Variants in SYNE1 observed in about 807,000 individuals in gnomAD.
The protein encoded by SYNE1 is spectrin repeat containing nuclear envelope protein 1.
Under a neutral mutation model 1,111.0 loss-of-function variants are expected in SYNE1, and 616 were observed. The observed-to-expected ratio is 0.55, with a 90% CI of 0.52 to 0.59. The LOEUF is 0.59. Among genes scored for constraint, SYNE1 ranks in the 20% least tolerant of loss-of-function variants. The pLI, the probability that SYNE1 is intolerant of heterozygous loss-of-function variation, is 0.00. For missense variants in SYNE1, 10,006 were observed against 10,417.0 expected (o/e 0.96, Z 1.72); for synonymous variants, 3,855 against 3,825.8 (o/e 1.01, Z -0.28).
At chr6:152,338,551 G>A (rs2096458942) in intron 75 of SYNE1, among the ~76,000 whole-genome samples, 2 of 152,316 alleles carry the variant, frequency 1.3e-5, no homozygotes, top group South Asian at 4.1e-4. Flanking sequence ...AGCCCAGGAG[G>A]TTGAGGCTTC....
At chr6:152,304,233 A>G (rs906879644) in intron 91 of SYNE1, among the ~76,000 whole-genome samples, 27 of 152,356 alleles carry the variant, frequency 1.8e-4, no homozygotes, top group African/African-American at 6.3e-4. Flanking sequence ...AATACTAGAA[A>G]AGAGCTCTAG....
chr6:152,564,826 T>C (rs749040954), intron 3 of SYNE1, among the ~76,000 whole-genome samples: 33 of 152,174 alleles, frequency 2.2e-4, no homozygotes, highest in African/African-American at 8.0e-4. Flanking sequence ...ACTGCGAGAA[T>C]TTCAAAAGGT....
Position 152,234,005 on chromosome 6 carries a change from G to A in SYNE1, c.20530-42C>T, listed in dbSNP as rs767189045. 4 of 1,599,962 alleles carry A rather than the reference G, an allele frequency of 2.5e-6. No homozygotes were observed. In the African/African-American group the frequency reaches 4.0e-5, roughly 16 times the overall value. ...TGTTCAAATTAGGGTTAAATAGCTA[G>A]ACCATTCATTAAAAGGAAAGCGACC... On this transcript the variant is annotated intron_variant, in intron 111 of 145. Coordinates refer to ENST00000367255, the MANE Select transcript of SYNE1 (RefSeq NM_182961.4).
chr6:152,421,671 T>TTTTA (rs377235444), intron 39 of SYNE1, among the ~76,000 whole-genome samples: 8,673 of 145,326 alleles, frequency 0.06, 301 homozygotes, highest in Middle Eastern at 0.1. Context: ...ATTTTCCTTA[T>TTTTA]TTTATTTATT....
At chr6:152,562,164 T>C (rs1340753794) in intron 3 of SYNE1, among the ~76,000 whole-genome samples, 5 of 151,954 alleles carry the variant, frequency 3.3e-5, no homozygotes, top group African/African-American at 1.2e-4. Flanking sequence ...ACACAATTGA[T>C]AAGGGATTAA....
At chr6:152,581,200 T>C (rs948711607) in intron 3 of SYNE1, among the ~76,000 whole-genome samples, 3 of 152,196 alleles carry the variant, frequency 2.0e-5, no homozygotes, top group African/African-American at 7.2e-5. Flanking sequence ...TGCAGCAGGC[T>C]AAACCATGTA....
intron 55 of SYNE1, among the ~76,000 whole-genome samples, chr6:152,384,762 G>A (rs183973299): frequency 1.3e-5 from 2 of 151,856 alleles, no homozygotes; most frequent in South Asian, 2.1e-4. Context: ...ACCTGTAATC[G>A]CAGCTACTCG....
chr6:152,351,909 G>A, intron 70 of SYNE1, 118 bp downstream of exon 70: 7 of 907,666 alleles, frequency 7.7e-6, no homozygotes, highest in Non-Finnish European at 1.1e-5. Context: ...CTGCAGAACG[G>A]ACACATGCGG....
At chr6:152,616,086 T>G (rs1206204928) in intron 3 of SYNE1, among the ~76,000 whole-genome samples, 2 of 152,252 alleles carry the variant, frequency 1.3e-5, no homozygotes, top group Admixed American at 6.5e-5. Context: ...AAACTTGATA[T>G]TGAAATAATT....
intron 38 of SYNE1, among the ~76,000 whole-genome samples, chr6:152,425,936 T>A (rs1056062656): frequency 6.6e-6 from 1 of 152,206 alleles, no homozygotes; most frequent in African/African-American, 2.4e-5. Context: ...AGAAAAACTA[T>A]TGCCGGAGAG....
intron 115 of SYNE1, among the ~76,000 whole-genome samples, chr6:152,228,807 G>A (rs1165266231): frequency 6.6e-6 from 1 of 152,016 alleles, no homozygotes; most frequent in Non-Finnish European, 1.5e-5. Flanking sequence ...TTGAATTTAT[G>A]GCCTAAATCA....
In SYNE1 at chr6:152,396,801, A is replaced by C; in HGVS notation, c.7530T>G (p.Leu2510=). 6.2e-7 allele frequency: 1 copy of C among 1,614,156 alleles called. No individual in the cohort carries two copies. ...LKQCLKDKQA[L]QDCASELGSF... ...TTCCAAGTTCTGAAGCACAGTCTTG[A>C]AGAGCCTGCTTATCTTTAAGGCATT... The change falls in exon 50 of 146, where the codon CTT becomes CTG. Residue 2510 remains leucine, a synonymous_variant. Transcript: ENST00000367255.
Position 152,391,269 on chromosome 6 carries a change from G to T in SYNE1, c.8004+8C>A. ...CAGTTGTCAGTGTCTGGCTGGTGTC[G>T]CATGTACCTGTATTTGTGACAGCCG... On this transcript the variant is annotated splice_region_variant and intron_variant, in intron 52 of 145. Transcript: ENST00000367255. 1.9e-6 allele frequency: 3 copies of T among 1,613,656 alleles called. No homozygotes were observed. Among genetic ancestry groups the T allele is most frequent in the Non-Finnish European group, 2.5e-6 (3 of 1,179,926 alleles).
Position 152,242,454 on chromosome 6 carries a change from AC to A in SYNE1, c.19693-15del, listed in dbSNP as rs1562448865. The A allele has an allele frequency of 6.2e-7, 1 of 1,613,688 alleles. No individual in the cohort carries two copies. The highest frequency in any genetic ancestry group is 1.7e-5 in the Admixed American group (1 of 59,978). Reference sequence around the variant, plus strand: ...ATCATACATGTCCTAAGAAGCAGAGACCACAAGACTCACTCTCAATTCATAT... The same window carrying A: ...ATCATACATGTCCTAAGAAGCAGAGACACAAGACTCACTCTCAATTCATAT... On this transcript the variant is annotated splice_polypyrimidine_tract_variant and intron_variant, in intron 106 of 145. Transcript: ENST00000367255.
At chr6:152,133,058 G>C (rs2056235043) in intron 143 of SYNE1, among the ~76,000 whole-genome samples, 1 of 152,082 alleles carries the variant, frequency 6.6e-6, no homozygotes, top group Non-Finnish European at 1.5e-5. Flanking sequence ...AACAACAAGA[G>C]AGCTTTTGGA....
intron 32 of SYNE1, among the ~76,000 whole-genome samples, chr6:152,440,853 C>G (rs1182208339): frequency 6.6e-6 from 1 of 151,906 alleles, no homozygotes; most frequent in East Asian, 1.9e-4. Context: ...GGAGTTGAGT[C>G]ACAGCGCGCG....
In SYNE1 at chr6:152,300,572, T is replaced by C. The variant is rs568825598; in HGVS notation, c.17682+69A>G. 33 of 1,606,852 alleles carry C rather than the reference T, an allele frequency of 2.1e-5. No homozygotes were observed. In the East Asian group the frequency reaches 6.9e-4, roughly 34 times the overall value. ...TCTGAGATTCATACCCACGATCTAA[T>C]GGAAACAGAGAATGGAGTCCTGCAT... On this transcript the variant is annotated intron_variant, in intron 93 of 145. Coordinates refer to ENST00000367255, the MANE Select transcript of SYNE1 (RefSeq NM_182961.4).
rs1466517008 is a variant in SYNE1 at position 152,416,737 on chromosome 6, G to A, written c.5700C>T (p.Asn1900=). 3 of 1,614,186 alleles carry A rather than the reference G, an allele frequency of 1.9e-6. No homozygotes were observed. Among genetic ancestry groups the A allele is most frequent in the South Asian group, 1.1e-5 (1 of 91,088 alleles). The change falls in exon 41 of 146, where the codon AAC becomes AAT. Residue 1900 remains asparagine, a synonymous_variant. Transcript: ENST00000367255. ...TVEATNSMNK[N]ESDLIEKDLN... is the part of the protein sequence containing the mutation. ...GGTCCTTTTCTATCAAATCAGACTC[G>A]TTCTTATTCATACTGTTGGTTGCTT... is the stretch of plus-strand genomic sequence containing the variant.
intron 98 of SYNE1, among the ~76,000 whole-genome samples, chr6:152,275,500 G>A (rs1359804163): frequency 6.6e-6 from 1 of 152,012 alleles, no homozygotes; most frequent in African/African-American, 2.4e-5. Flanking sequence ...ATCTCTTTCT[G>A]GAATAGTTAT....
Sources: gnomAD v4.1 joint callset for allele counts (sites outside exome capture counted in the v4.1 genomes callset) on GRCh38, gnomAD v4.1.1 for gene constraint, MANE v1.5 for transcripts, NCBI Gene and HGNC (gene_info 2026-07-23, HGNC 2026-07-21) for gene names.